The following CCDC146 variants were observed in gnomAD, a reference collection of about 807,000 sequenced individuals.
CCDC146 encodes coiled-coil domain-containing protein 146.
CCDC146 carries 92 observed loss-of-function variants against 119.3 expected under a neutral mutation model. The ratio of observed to expected loss-of-function variants is 0.77; its 90% CI spans 0.65 to 0.92. The LOEUF is 0.92. Among genes scored for constraint, CCDC146 ranks in the 40% least tolerant of loss-of-function variants. The pLI is 0.00. For missense variants in CCDC146, 1,000 were observed against 1,103.0 expected, an observed-to-expected ratio of 0.91 and a Z score of 1.32; for synonymous variants, 372 against 371.8, an observed-to-expected ratio of 1.00 and a Z score of -0.01.
chr7:77,232,979 G>A (rs967062700), intron 2 of CCDC146, among the ~76,000 whole-genome samples: 3 of 152,072 alleles, frequency 2.0e-5, no homozygotes, highest in Non-Finnish European at 2.9e-5. Flanking sequence ...AGATTTTATT[G>A]AATAAGTGTT....
chr7:77,242,079 T>G lies in CCDC146; in HGVS notation c.449+179T>G, dbSNP rs17161240. Among the ~76,000 whole-genome samples, 148 of 152,280 alleles carry G rather than the reference T, an allele frequency of 9.7e-4. No homozygotes were observed. The East Asian group carries it at 0.026, about 26-fold the overall frequency. ...ATTCCCTGAACAAGAAAGTTACACT[T>G]CTCGAATAAAAGCTCAGGTGACAGA... On this transcript the variant is annotated intron_variant, in intron 4 of 18. Coordinates refer to ENST00000285871, the MANE Select transcript of CCDC146 (RefSeq NM_020879.3).
chr7:77,209,514 C>G (rs548347030), intron 2 of CCDC146, among the ~76,000 whole-genome samples: 1 of 152,320 alleles, frequency 6.6e-6, no homozygotes, highest in Non-Finnish European at 1.5e-5. Flanking sequence ...ACGGTGCAAG[C>G]TGTTGGTGGA....
chr7:77,163,940 A>G (rs1584035142), intron 1 of CCDC146, among the ~76,000 whole-genome samples: 1 of 146,444 alleles, frequency 6.8e-6, no homozygotes, highest in African/African-American at 2.6e-5. Context: ...GCTCACTGCA[A>G]CCTCCACCTG....
intron 2 of CCDC146, among the ~76,000 whole-genome samples, chr7:77,192,896 C>A (rs181825893): frequency 3.4e-4 from 51 of 151,938 alleles, no homozygotes; most frequent in African/African-American, 1.2e-3. Context: ...GCACTCCAGC[C>A]TGGGCGACAG....
chr7:77,248,598 A>G (rs1022508280), intron 4 of CCDC146, among the ~76,000 whole-genome samples: 4 of 152,244 alleles, frequency 2.6e-5, no homozygotes, highest in African/African-American at 9.6e-5. Context: ...ATATCGGGAA[A>G]TCATATGACT....
intron 11 of CCDC146, among the ~76,000 whole-genome samples, chr7:77,275,139 A>C (rs1793609155): frequency 6.6e-6 from 1 of 152,070 alleles, no homozygotes; most frequent in Admixed American, 6.6e-5. Context: ...GTCCATTTAT[A>C]CACAGATTTT....
intron 4 of CCDC146, among the ~76,000 whole-genome samples, chr7:77,253,695 G>A (rs1346521866): frequency 6.6e-6 from 1 of 152,236 alleles, no homozygotes; most frequent in African/African-American, 2.4e-5. Flanking sequence ...GTCAGGTCAT[G>A]ATGAATACTG....
intron 4 of CCDC146, among the ~76,000 whole-genome samples, chr7:77,253,898 A>C (rs1269128063): frequency 2.0e-5 from 3 of 152,220 alleles, no homozygotes; most frequent in African/African-American, 7.2e-5. Flanking sequence ...CCTGAGGTAG[A>C]ATCAAGCTTG....
At chr7:77,260,316 T>A in intron 8 of CCDC146, 80 bp downstream of exon 8, 1 of 940,700 alleles carries the variant, frequency 1.1e-6, no homozygotes, top group Non-Finnish European at 1.6e-6. Flanking sequence ...AATCTCACTT[T>A]GGTGTTGAGT....
chr7:77,260,309 C>G, intron 8 of CCDC146, 73 bp downstream of exon 8: 3 of 1,084,958 alleles, frequency 2.8e-6, no homozygotes, highest in Non-Finnish European at 3.9e-6. Flanking sequence ...AATTCAAAAT[C>G]TCACTTTGGT....
At chr7:77,145,150 G>A (rs1790995304) in intron 1 of CCDC146, among the ~76,000 whole-genome samples, 1 of 151,592 alleles carries the variant, frequency 6.6e-6, no homozygotes, top group African/African-American at 2.4e-5. Context: ...GTCTTGGGAG[G>A]GTGTATGTGT....
chr7:77,245,021 C>T (rs1384268699), intron 4 of CCDC146, among the ~76,000 whole-genome samples: 1 of 152,170 alleles, frequency 6.6e-6, no homozygotes, highest in Non-Finnish European at 1.5e-5. Context: ...CTAAGAACAA[C>T]TTATTTTTCA....
At chr7:77,188,630 G>A (rs570665051) in intron 2 of CCDC146, among the ~76,000 whole-genome samples, 1 of 152,290 alleles carries the variant, frequency 6.6e-6, no homozygotes, top group South Asian at 2.1e-4. Flanking sequence ...AGAAGATGCA[G>A]TATTTGAGGC....
rs140741434 is a variant in CCDC146, at chr7:77,292,996, G to C, written c.2460G>C (p.Met820Ile). ...GGATCAAAAATGCAACTGAGAAAATGATGGCTCTTGTTGCTGAGCTGTCCA... is the reference window on the plus strand; with the variant it reads ...GGATCAAAAATGCAACTGAGAAAATCATGGCTCTTGTTGCTGAGCTGTCCA... ...QRRIKNATEK[M>I]MALVAELSMK... Residue 820 changes from methionine (M) to isoleucine (I), a missense_variant, in exon 18 of 19, where the codon ATG becomes ATC. Physicochemically the swap from Met to Ile is conservative, Grantham distance 10 (BLOSUM62 1). This residue lies in a region of CCDC146 where 985 missense variants were observed against 1,045.3 expected (regional missense o/e 0.94). Transcript: ENST00000285871. 124 of 1,613,940 alleles carry C rather than the reference G, an allele frequency of 7.7e-5. No individual in the cohort carries two copies. In the African/African-American group the frequency reaches 1.6e-3, roughly 20 times the overall value.
intron 13 of CCDC146, 23 bp from the exon 14 acceptor site, chr7:77,280,406 C>A: frequency 6.5e-7 from 1 of 1,545,594 alleles, no homozygotes; most frequent in Non-Finnish European, 8.8e-7. Flanking sequence ...ATAATCTTAC[C>A]CATTGTCTTA....
At chr7:77,178,663 G>A (rs1375127818) in intron 2 of CCDC146, among the ~76,000 whole-genome samples, 2 of 152,102 alleles carry the variant, frequency 1.3e-5, no homozygotes, top group Non-Finnish European at 2.9e-5. Flanking sequence ...TACTACTGTT[G>A]TAGCAACTTG....
chr7:77,287,663 A>G (rs1318424022), intron 17 of CCDC146, 86 bp downstream of exon 17: 22 of 1,443,488 alleles, frequency 1.5e-5, no homozygotes, highest in Non-Finnish European at 2.1e-5. Context: ...TTATTGAGAG[A>G]AGCACTGGAG....
At chr7:77,288,216 C>T (rs56040138) in intron 17 of CCDC146, among the ~76,000 whole-genome samples, 36,425 of 152,142 alleles carry the variant, frequency 0.24, 5,164 homozygotes, top group African/African-American at 0.38. Flanking sequence ...CAGCATGTTG[C>T]ATGCTAGTTA....
chr7:77,161,905 T>C (rs1158753548), intron 1 of CCDC146, among the ~76,000 whole-genome samples: 1 of 152,216 alleles, frequency 6.6e-6, no homozygotes, highest in African/African-American at 2.4e-5. Flanking sequence ...GTTGGTAATG[T>C]TGATGACCTT....
Sources: gnomAD v4.1 joint callset for allele counts (sites outside exome capture counted in the v4.1 genomes callset) on GRCh38, gnomAD v4.1.1 for gene constraint, gnomAD v4.1.1 regional missense constraint, MANE v1.5 for transcripts, NCBI Gene and HGNC (gene_info 2026-07-23, HGNC 2026-07-21) for gene names.